REEP1: variants seen among roughly 807,000 people sequenced by gnomAD.
The protein encoded by REEP1 is receptor accessory protein 1.
A neutral mutation model predicts 40.3 loss-of-function variants in REEP1; 22 were observed. The observed-to-expected ratio is 0.55, with a 90% CI of 0.39 to 0.78. REEP1 has a LOEUF of 0.78. Ranked by LOEUF, REEP1 falls within the 30% of genes least tolerant of loss-of-function variation. The pLI, the probability that REEP1 is intolerant of heterozygous loss-of-function variation, is 0.00. For synonymous variants in REEP1, 116 were observed against 139.2 expected, an observed-to-expected ratio of 0.83 and a Z score of 1.17; for missense variants, 280 against 361.1, an observed-to-expected ratio of 0.78 and a Z score of 1.82.
intron 1 of REEP1, among the ~76,000 whole-genome samples, chr2:86,310,298 T>C (rs754119922): frequency 2.6e-5 from 4 of 152,176 alleles, no homozygotes; most frequent in Non-Finnish European, 5.9e-5. Flanking sequence ...CCCATAATTA[T>C]AATACTGCAT....
chr2:86,276,397 G>A (rs1329375256), intron 2 of REEP1, among the ~76,000 whole-genome samples: 1 of 152,210 alleles, frequency 6.6e-6, no homozygotes, highest in Non-Finnish European at 1.5e-5. Flanking sequence ...CACACAGCAA[G>A]CTGTGGACTC....
chr2:86,322,929 G>A (rs1680339433), intron 1 of REEP1, among the ~76,000 whole-genome samples: 1 of 151,922 alleles, frequency 6.6e-6, no homozygotes, highest in Non-Finnish European at 1.5e-5. Flanking sequence ...AAAATAAAAG[G>A]CCTCACACCT....
At chr2:86,235,935 G>A (rs1489489030) in intron 5 of REEP1, among the ~76,000 whole-genome samples, 1 of 152,166 alleles carries the variant, frequency 6.6e-6, no homozygotes, top group African/African-American at 2.4e-5. Flanking sequence ...CAGTATGCCT[G>A]ACCGGGCGCG....
intron 1 of REEP1, among the ~76,000 whole-genome samples, chr2:86,294,201 G>T (rs1678864913): frequency 6.6e-6 from 1 of 152,166 alleles, no homozygotes; most frequent in South Asian, 2.1e-4. Flanking sequence ...TTGCAAGATG[G>T]AAGCTTCTGG....
chr2:86,325,802 T>G (rs1341807902), intron 1 of REEP1, among the ~76,000 whole-genome samples: 2 of 152,154 alleles, frequency 1.3e-5, no homozygotes, highest in Non-Finnish European at 2.9e-5. Flanking sequence ...AGAAGAAACC[T>G]CTGTTGTTTT....
chr2:86,268,271 C>CA (rs1677249054), intron 2 of REEP1, among the ~76,000 whole-genome samples: 1 of 152,102 alleles, frequency 6.6e-6, no homozygotes, highest in Admixed American at 6.5e-5. Flanking sequence ...AAAAATCCTC[C>CA]TGGGATTAAT....
At chr2:86,306,159 G>A (rs1050800179) in intron 1 of REEP1, among the ~76,000 whole-genome samples, 2 of 151,704 alleles carry the variant, frequency 1.3e-5, no homozygotes, top group Non-Finnish European at 2.9e-5. Flanking sequence ...TCCAGATTCC[G>A]GGGCTTGACT....
intron 5 of REEP1, among the ~76,000 whole-genome samples, chr2:86,240,485 A>AGCGGGCGGGGGAAGGCACGT (rs1400371754): frequency 2.0e-5 from 3 of 152,140 alleles, no homozygotes; most frequent in East Asian, 1.9e-4. Context: ...CATCCTCTGA[A>AGCGGGCGGGGGAAGGCACGT]GCGGGCGGGG....
At chr2:86,239,702 G>C (rs945511708) in intron 5 of REEP1, among the ~76,000 whole-genome samples, 2 of 152,186 alleles carry the variant, frequency 1.3e-5, no homozygotes, top group Non-Finnish European at 2.9e-5. Context: ...CAGAGAAGGA[G>C]AATTTCTACT....
intron 5 of REEP1, among the ~76,000 whole-genome samples, chr2:86,233,899 G>A (rs1160565458): frequency 1.3e-5 from 2 of 151,790 alleles, no homozygotes; most frequent in African/African-American, 4.8e-5. Context: ...AGAGATCTGG[G>A]GGACAGGGGG....
chr2:86,316,487 G>T (rs1680014652), intron 1 of REEP1, among the ~76,000 whole-genome samples: 1 of 145,216 alleles, frequency 6.9e-6, no homozygotes, highest in South Asian at 2.2e-4. Flanking sequence ...GGCAGAGGTT[G>T]CAGTGAGCCG....
At chr2:86,229,377 C>T (rs1009371000) in intron 6 of REEP1, among the ~76,000 whole-genome samples, 2 of 152,128 alleles carry the variant, frequency 1.3e-5, no homozygotes, top group Admixed American at 6.5e-5. Flanking sequence ...GCCTCTTCCC[C>T]TTTTCTGGGG....
At chr2:86,284,228 C>G (rs1224212341) in intron 1 of REEP1, among the ~76,000 whole-genome samples, 2 of 152,044 alleles carry the variant, frequency 1.3e-5, no homozygotes, top group African/African-American at 4.8e-5. Flanking sequence ...CCTTTCCTGA[C>G]CTGGTCACCC....
chr2:86,284,595 A>C (rs1678290090), intron 1 of REEP1, among the ~76,000 whole-genome samples: 1 of 152,176 alleles, frequency 6.6e-6, no homozygotes, highest in Admixed American at 6.5e-5. Context: ...GGGGGAAATA[A>C]ATACACCACT....
intron 1 of REEP1, among the ~76,000 whole-genome samples, chr2:86,298,750 G>C (rs115173669): frequency 1.1e-3 from 168 of 152,370 alleles, no homozygotes; most frequent in Non-Finnish European, 2.0e-3. Flanking sequence ...AATAGTCATG[G>C]ACAGTCACCC....
rs567995457 is a variant in REEP1 at position 86,237,025 on chromosome 2, C to T, written c.418-4223G>A. ...CTGGGATTACAGGCGTGAGCCACCG[C>T]GCCCAGCAGATTTTCATCAATTTTA... On this transcript the variant is annotated intron_variant, in intron 5 of 8. Coordinates refer to ENST00000538924, the MANE Select transcript of REEP1 (RefSeq NM_001371279.1). Among the ~76,000 whole-genome samples the T allele has an allele frequency of 3.3e-5, 5 of 152,324 alleles. No individual in the cohort carries two copies. In the South Asian group the frequency reaches 6.2e-4, roughly 19 times the overall value.
intron 1 of REEP1, among the ~76,000 whole-genome samples, chr2:86,287,765 G>T (rs1007651317): frequency 2.0e-5 from 3 of 152,000 alleles, no homozygotes; most frequent in Non-Finnish European, 4.4e-5. Flanking sequence ...GTACTTTCCT[G>T]ATACAATCCT....
At chr2:86,275,558 T>G (rs1677714077) in intron 2 of REEP1, among the ~76,000 whole-genome samples, 1 of 152,136 alleles carries the variant, frequency 6.6e-6, no homozygotes. Flanking sequence ...CCCAGACAAC[T>G]AGAGGCAGCG....
chr2:86,299,535 C>T (rs1006616037), intron 1 of REEP1, among the ~76,000 whole-genome samples: 4 of 152,176 alleles, frequency 2.6e-5, no homozygotes, highest in Non-Finnish European at 5.9e-5. Flanking sequence ...TGTGTGCCTT[C>T]TACACACTTG....
Sources: gnomAD v4.1 joint callset for allele counts (sites outside exome capture counted in the v4.1 genomes callset) on GRCh38, gnomAD v4.1.1 for gene constraint, MANE v1.5 for transcripts, NCBI Gene and HGNC (gene_info 2026-07-23, HGNC 2026-07-21) for gene names.